The following ERP44 variants were observed in gnomAD, a reference collection of about 807,000 sequenced individuals.
ERP44 encodes endoplasmic reticulum resident protein 44.
In ERP44, 25 loss-of-function variants were observed where a neutral mutation model predicts 53.4. The observed-to-expected ratio is 0.47, with a 90% CI of 0.34 to 0.65. The LOEUF is 0.65. ERP44 is among the 30% of genes least tolerant of loss of function. ERP44 has a pLI of 0.01. For missense variants in ERP44, 338 were observed against 493.2 expected (o/e 0.69, Z 2.98); for synonymous variants, 145 against 161.2 (o/e 0.90, Z 0.76).
At chr9:100,039,617 A>T (rs1474786103) in intron 4 of ERP44, among the ~76,000 whole-genome samples, 1 of 152,120 alleles carries the variant, frequency 6.6e-6, no homozygotes, top group East Asian at 1.9e-4. Context: ...TTAAAGAATT[A>T]GAAAAGCAAG....
chr9:100,073,598 T>A (rs1178297795), intron 1 of ERP44, among the ~76,000 whole-genome samples: 1 of 152,240 alleles, frequency 6.6e-6, no homozygotes, highest in African/African-American at 2.4e-5. Context: ...TTCAGTGGAA[T>A]TTGTCTTCCA....
chr9:99,987,310 TC>T (rs1442930833), intron 10 of ERP44, among the ~76,000 whole-genome samples: 5 of 152,202 alleles, frequency 3.3e-5, no homozygotes, highest in Non-Finnish European at 7.3e-5. Flanking sequence ...CGTGGTAATC[TC>T]CTAAACAGGA....
intron 10 of ERP44, among the ~76,000 whole-genome samples, chr9:99,986,320 T>C (rs1243214462): frequency 2.6e-5 from 4 of 152,242 alleles, no homozygotes; most frequent in African/African-American, 9.6e-5. Context: ...ACCTGCATTT[T>C]AATTTACATT....
intron 5 of ERP44, 117 bp downstream of exon 5, chr9:100,021,925 G>C: frequency 1.2e-6 from 1 of 866,824 alleles, no homozygotes. Flanking sequence ...TTAAGTATAC[G>C]TATGTCAAAT....
At chr9:100,060,578 G>C (rs529605107) in intron 1 of ERP44, among the ~76,000 whole-genome samples, 17 of 152,266 alleles carry the variant, frequency 1.1e-4, no homozygotes, top group Admixed American at 3.3e-4. Context: ...ATGTTTCTAA[G>C]ACAGAAGAAA....
intron 1 of ERP44, among the ~76,000 whole-genome samples, chr9:100,097,602 A>G (rs2118770176): frequency 6.6e-6 from 1 of 152,380 alleles, no homozygotes; most frequent in South Asian, 2.1e-4. Flanking sequence ...AAGACACTCT[A>G]TCATTTAATA....
rs192024149 is a variant in ERP44, at chr9:99,979,301, C to G, written c.*3311G>C. Reference sequence around the variant, plus strand: ...ATCCATTACACTACTTTATCCATTCCTTTTTGCCCTCAGGTTTAAAAAAGA... The same window carrying G: ...ATCCATTACACTACTTTATCCATTCGTTTTTGCCCTCAGGTTTAAAAAAGA... On this transcript the variant is annotated 3_prime_UTR_variant, in exon 12 of 12. Coordinates refer to ENST00000262455, the MANE Select transcript of ERP44 (RefSeq NM_015051.3). 1 of 150,892 alleles carries G rather than the reference C, an allele frequency of 6.6e-6. No homozygotes were observed. The highest frequency in any genetic ancestry group is 1.5e-5 in the Non-Finnish European group (1 of 67,860). 9.3% of individuals were successfully genotyped at this position (150,892 alleles called of 1,614,324 possible).
intron 1 of ERP44, among the ~76,000 whole-genome samples, chr9:100,060,655 C>T (rs1587977605): frequency 6.6e-6 from 1 of 152,128 alleles, no homozygotes; most frequent in African/African-American, 2.4e-5. Flanking sequence ...ATAATTTTCA[C>T]TTATTGGTGA....
At chr9:100,064,049 G>C (rs1245476398) in intron 1 of ERP44, among the ~76,000 whole-genome samples, 2 of 152,178 alleles carry the variant, frequency 1.3e-5, no homozygotes. Flanking sequence ...TCTTCCATTA[G>C]ATGGTTATTA....
chr9:100,029,917 G>A (rs1172362732), intron 4 of ERP44, among the ~76,000 whole-genome samples: 7 of 151,952 alleles, frequency 4.6e-5, no homozygotes, highest in East Asian at 1.9e-4. Context: ...GCGAAACCCC[G>A]TCTCTACTAA....
intron 4 of ERP44, among the ~76,000 whole-genome samples, chr9:100,039,013 AC>A (rs1253294332): frequency 6.6e-6 from 1 of 152,198 alleles, no homozygotes; most frequent in African/African-American, 2.4e-5. Flanking sequence ...ATATATACGC[AC>A]CCAACACTGG....
intron 10 of ERP44, among the ~76,000 whole-genome samples, chr9:100,004,334 T>C (rs569106914): frequency 6.6e-6 from 1 of 152,308 alleles, no homozygotes; most frequent in African/African-American, 2.4e-5. Context: ...TGATCAGGGC[T>C]GTGGGCAGCT....
chr9:100,048,443 T>A (rs1429435952), intron 4 of ERP44, among the ~76,000 whole-genome samples: 1 of 152,144 alleles, frequency 6.6e-6, no homozygotes, highest in African/African-American at 2.4e-5. Flanking sequence ...ATACAGCTGC[T>A]GTGAAAGATG....
At chr9:100,075,659 G>A (rs1826347489) in intron 1 of ERP44, among the ~76,000 whole-genome samples, 1 of 152,158 alleles carries the variant, frequency 6.6e-6, no homozygotes, top group Non-Finnish European at 1.5e-5. Context: ...AAATTTCTAG[G>A]GTTTCAGTGG....
intron 10 of ERP44, among the ~76,000 whole-genome samples, chr9:99,988,861 G>A (rs1054175551): frequency 1.3e-5 from 2 of 152,196 alleles, no homozygotes; most frequent in African/African-American, 4.8e-5. Flanking sequence ...CTTAGCAAAC[G>A]GCACACCAGG....
chr9:100,031,790 C>T (rs1177017059), intron 4 of ERP44, among the ~76,000 whole-genome samples: 4 of 152,084 alleles, frequency 2.6e-5, no homozygotes. Flanking sequence ...GCACGACAGA[C>T]CCTGTTTTGG....
chr9:99,999,023 G>C, intron 10 of ERP44: 2 of 946,942 alleles, frequency 2.1e-6, no homozygotes, highest in South Asian at 1.3e-5. Flanking sequence ...GGCAGCGGGC[G>C]CAGCTGCTCC....
intron 10 of ERP44, 68 bp from the exon 11 acceptor site, chr9:99,985,137 G>C: frequency 1.8e-6 from 2 of 1,098,816 alleles, no homozygotes; most frequent in Non-Finnish European, 2.7e-6. Context: ...CAACTTCACA[G>C]TATTAAAAAA....
rs1237319976 is a variant in ERP44 at position 100,068,239 on chromosome 9, G to C, written c.58-8067C>G. 4.8e-4 allele frequency among the ~76,000 whole-genome samples: 69 copies of C among 143,472 alleles called. 1 individual carries two copies. The highest frequency in any genetic ancestry group is 4.6e-3 in the Admixed American group (67 of 14,566). 94.1% of individuals were successfully genotyped at this position (143,472 alleles called of 152,430 possible). On this transcript the variant is annotated intron_variant, in intron 1 of 11. Transcript: ENST00000262455. ...AGCCCTGCGCCCGGCCAGCCGCCCC[G>C]TACGGAAGGTGAGGGGCGCCTCTGC...
Sources: allele counts gnomAD v4.1 joint callset (sites outside exome capture counted in the v4.1 genomes callset), GRCh38; gene constraint gnomAD v4.1.1; transcripts MANE v1.5; gene names NCBI Gene and HGNC (gene_info 2026-07-23, HGNC 2026-07-21).